Variants in UNC45A observed in about 807,000 individuals in gnomAD.
UNC45A encodes the protein protein unc-45 homolog A.
Under a neutral mutation model 103.2 loss-of-function variants are expected in UNC45A, and 78 were observed. The ratio of observed to expected loss-of-function variants is 0.76; its 90% CI spans 0.63 to 0.91. The LOEUF is 0.91. Among genes scored for constraint, UNC45A ranks in the 40% least tolerant of loss-of-function variants. UNC45A has a pLI of 0.00. For synonymous variants in UNC45A, 495 were observed against 504.6 expected (o/e 0.98, Z 0.25); for missense variants, 1,193 against 1,224.8 (o/e 0.97, Z 0.39).
At position 90,953,014 on chromosome 15, in the gene UNC45A, G is replaced by C; in HGVS notation, c.2389G>C (p.Glu797Gln). Residue 797 changes from glutamate (E) to glutamine (Q), a missense_variant, in exon 18 of 20, where the codon GAG becomes CAG. By Grantham distance (29) the Glu-to-Gln change is conservative. Transcript: ENST00000418476. Reference sequence around the variant, plus strand: ...TGAGATGATCCGCCGGGCAGCCACGGAGTGCATGTGTAACTTGGCCATGAG... The same window carrying C: ...TGAGATGATCCGCCGGGCAGCCACGCAGTGCATGTGTAACTTGGCCATGAG... The part of the protein sequence containing the change: ...EHEMIRRAAT[E>Q]CMCNLAMSKE... 1 of 1,613,596 alleles carries C rather than the reference G, an allele frequency of 6.2e-7. No homozygotes were observed. Among genetic ancestry groups the C allele is most frequent in the Non-Finnish European group, 8.5e-7 (1 of 1,180,040 alleles).
Position 90,953,612 on chromosome 15 carries a change from G to GT in UNC45A, c.2732dup (p.Leu912AlafsTer3). The GT allele has an allele frequency of 6.2e-7, 1 of 1,614,162 alleles. No homozygotes were observed. The highest frequency in any genetic ancestry group is 8.5e-7 in the Non-Finnish European group (1 of 1,180,040). On this transcript the variant is annotated frameshift_variant, in exon 20 of 20. Transcript: ENST00000418476. LOFTEE classifies it high-confidence loss of function. ...GAGTGAGATGATGGAGATCTTGTCA[G>GT]TGCTAGCTAAGGGTGACCACAGCCC...
At chr15:90,931,446 G>T (rs766046997), upstream of UNC45A, 4 of 1,612,656 alleles carry the variant, frequency 2.5e-6, no homozygotes, top group Non-Finnish European at 3.4e-6. Context: ...GTGATGTCAA[G>T]GAAAGCACTG....
chr15:90,932,472 C>T (rs761956443), upstream of UNC45A: 1 of 1,320,448 alleles, frequency 7.6e-7, no homozygotes, highest in Non-Finnish European at 9.7e-7. Context: ...GGTCCTTCCG[C>T]CGCTGCTGCC....
At chr15:90,948,524 G>A (rs1209065101) in intron 12 of UNC45A, 130 bp from the exon 13 acceptor site, 5 of 1,443,918 alleles carry the variant, frequency 3.5e-6, no homozygotes, top group Non-Finnish European at 3.7e-6. Flanking sequence ...GGGCCTGGGA[G>A]TTTCCCGAAT....
Position 90,935,322 on chromosome 15 carries a change from G to T in UNC45A, c.-3G>T, listed in dbSNP as rs779752468. 2 of 1,603,696 alleles carry T rather than the reference G, an allele frequency of 1.2e-6. No homozygotes were observed. The highest frequency in any genetic ancestry group is 1.7e-6 in the Non-Finnish European group (2 of 1,176,778). On this transcript the variant is annotated 5_prime_UTR_variant, in exon 1 of 20. Transcript: ENST00000418476. ...TGCGCGGGCACGAGACAACCTCTCC[G>T]CGATGACTGTGAGTGGTCCAGGGAC...
At chr15:90,945,168 T>C (rs1164077832) in intron 9 of UNC45A, 105 bp downstream of exon 9, 15 of 1,455,398 alleles carry the variant, frequency 1.0e-5, no homozygotes, top group African/African-American at 1.4e-5. Flanking sequence ...AACAGTAATC[T>C]TGGGGAGGAC....
intron 4 of UNC45A, among the ~76,000 whole-genome samples, chr15:90,938,427 G>T (rs1359820339): frequency 1.3e-5 from 2 of 152,086 alleles, no homozygotes; most frequent in Non-Finnish European, 2.9e-5. Context: ...AAGCAAATAG[G>T]TTTCCTCTCT....
intron 6 of UNC45A, among the ~76,000 whole-genome samples, chr15:90,942,120 C>G (rs1384953928): frequency 6.6e-6 from 1 of 152,092 alleles, no homozygotes; most frequent in Non-Finnish European, 1.5e-5. Context: ...GTAGCTTCGT[C>G]TAGGTATAGG....
At chr15:90,942,401 C>A in intron 6 of UNC45A, 36 bp from the exon 7 acceptor site, 1 of 1,568,508 alleles carries the variant, frequency 6.4e-7, no homozygotes, top group Non-Finnish European at 8.6e-7. Context: ...CCTTCAACAA[C>A]TGGAAGCTTC....
chr15:90,932,357 G>GC, upstream of UNC45A: 1 of 938,634 alleles, frequency 1.1e-6, no homozygotes, highest in Non-Finnish European at 1.5e-6. Flanking sequence ...TGAGGTGCAC[G>GC]CCCCCCACGT....
intron 12 of UNC45A, 185 bp from the exon 13 acceptor site, chr15:90,948,469 C>A: frequency 7.9e-7 from 1 of 1,267,970 alleles, no homozygotes; most frequent in Non-Finnish European, 1.1e-6. Context: ...GGACGTTCTT[C>A]TTGGAGGAGC....
Position 90,948,641 on chromosome 15 carries a change from T to G in UNC45A, c.1738-13T>G. ...CCCGGGATGCCCATGTGAATTCCTCTGTGTCCTGGCAGTTGGAGGAGAGGT... is the reference window on the plus strand; with the variant it reads ...CCCGGGATGCCCATGTGAATTCCTCGGTGTCCTGGCAGTTGGAGGAGAGGT... On this transcript the variant is annotated splice_polypyrimidine_tract_variant and intron_variant, in intron 12 of 19. Transcript: ENST00000418476. 6.2e-7 allele frequency: 1 copy of G among 1,612,960 alleles called. No homozygotes were observed. Among genetic ancestry groups the G allele is most frequent in the Non-Finnish European group, 8.5e-7 (1 of 1,179,040 alleles).
upstream of UNC45A, chr15:90,932,587 C>A (rs2035844274): frequency 8.8e-7 from 1 of 1,142,094 alleles, no homozygotes; most frequent in Non-Finnish European, 1.1e-6. Flanking sequence ...AGGGACGGAA[C>A]GTTTACAGCG....
chr15:90,939,346 C>T (rs1369853030), intron 4 of UNC45A, among the ~76,000 whole-genome samples: 5 of 152,192 alleles, frequency 3.3e-5, no homozygotes, highest in African/African-American at 4.8e-5. Flanking sequence ...AACTACCTCA[C>T]GATCTGCCAG....
chr15:90,934,872 T>G (rs1272784792), upstream of UNC45A: 1 of 429,602 alleles, frequency 2.3e-6, no homozygotes, highest in East Asian at 3.5e-5. Flanking sequence ...CCAGGGATTC[T>G]GTACCCCCCA....
intron 15 of UNC45A, chr15:90,949,925 T>C (rs1304784837): frequency 1.5e-6 from 1 of 672,360 alleles, no homozygotes. Context: ...GGTCCTAGGC[T>C]CTACTGTTCC....
In UNC45A at chr15:90,940,412, CT is replaced by C. The variant is rs1452381413; in HGVS notation, c.627del (p.Asp210ThrfsTer25). 6.2e-7 allele frequency: 1 copy of C among 1,614,178 alleles called. No individual in the cohort carries two copies. Among genetic ancestry groups the C allele is most frequent in the East Asian group, 2.2e-5 (1 of 44,890 alleles). On this transcript the variant is annotated frameshift_variant, in exon 6 of 20. Transcript: ENST00000418476. LOFTEE classifies it high-confidence loss of function. Reference sequence around the variant, plus strand: ...CAACGTTTACTGGACATGGGAGAGACTGACCTCATGCTGGCGGCTCTGCGTA... The same window carrying C: ...CAACGTTTACTGGACATGGGAGAGACGACCTCATGCTGGCGGCTCTGCGTA... The part of the protein sequence containing the change: ...LLQRLLDMGE[T>X]DLMLAALRTL...
Position 90,940,384 on chromosome 15 carries a change from T to C in UNC45A, c.598T>C (p.Leu200=). ...CTTCCGGAGTAATGGGGTTCAGCTC[T>C]TGCAACGTTTACTGGACATGGGAGA... ...KIFRSNGVQL[L]QRLLDMGETD... Residue 200 remains leucine (L), a synonymous_variant, in exon 6 of 20, where the codon TTG becomes CTG. Coordinates refer to ENST00000418476, the MANE Select transcript of UNC45A (RefSeq NM_018671.5). The C allele has an allele frequency of 1.2e-6, 2 of 1,614,192 alleles. No homozygotes were observed. The highest frequency in any genetic ancestry group is 1.7e-6 in the Non-Finnish European group (2 of 1,180,024).
At chr15:90,935,038 C>T (rs113752182), upstream of UNC45A, 1,361 of 565,080 alleles carry the variant, frequency 2.4e-3, 15 homozygotes, top group African/African-American at 0.025. Context: ...CGGTCGGGGC[C>T]GGAGTCTGGG....
Sources: gnomAD v4.1 joint callset for allele counts (sites outside exome capture counted in the v4.1 genomes callset) on GRCh38, gnomAD v4.1.1 for gene constraint, MANE v1.5 for transcripts, NCBI Gene and HGNC (gene_info 2026-07-23, HGNC 2026-07-21) for gene names.